The following DCLK1 variants were observed in gnomAD, a reference collection of about 807,000 sequenced individuals.
DCLK1 encodes the protein serine/threonine-protein kinase DCLK1.
Under a neutral mutation model 86.2 loss-of-function variants are expected in DCLK1, and 16 were observed. The observed-to-expected ratio is 0.19, with a 90% confidence interval of 0.13 to 0.28. The LOEUF is 0.28. DCLK1 is among the 10% of genes least tolerant of loss of function. DCLK1 has a pLI of 1.00. For missense variants in DCLK1, 590 were observed against 940.2 expected (o/e 0.63, Z 4.87); for synonymous variants, 369 against 370.5 (o/e 1.00, Z 0.05).
intron 3 of DCLK1, among the ~76,000 whole-genome samples, chr13:36,081,816 G>A (rs182106225): frequency 7.2e-5 from 11 of 152,252 alleles, no homozygotes; most frequent in African/African-American, 2.4e-4. Flanking sequence ...CAGAGCGACC[G>A]ATTTACACAG....
chr13:35,899,270 GATA>G (rs527862295), intron 4 of DCLK1, among the ~76,000 whole-genome samples: 96 of 151,618 alleles, frequency 6.3e-4, no homozygotes, highest in Admixed American at 4.3e-3. Flanking sequence ...CAAGCCCCAG[GATA>G]ATAATATGAG....
intron 4 of DCLK1, 82 bp from the exon 5 acceptor site, chr13:35,871,422 G>T (rs1593684198): frequency 8.6e-7 from 1 of 1,157,618 alleles, no homozygotes; most frequent in Non-Finnish European, 1.3e-6. Flanking sequence ...AAACCTGGAA[G>T]TAGAAATATA....
chr13:36,028,004 G>A (rs1301265557), intron 3 of DCLK1, among the ~76,000 whole-genome samples: 1 of 152,150 alleles, frequency 6.6e-6, no homozygotes, highest in Non-Finnish European at 1.5e-5. Flanking sequence ...TGCTGTGATT[G>A]CAGGAGTGAG....
chr13:35,936,706 T>G (rs574986476), intron 4 of DCLK1, among the ~76,000 whole-genome samples: 32 of 152,302 alleles, frequency 2.1e-4, no homozygotes, highest in African/African-American at 6.0e-4. Context: ...TTGGCTGTAC[T>G]GGATGGCCTG....
At chr13:35,774,798 G>T in intron 16 of DCLK1, 99 bp from the exon 17 acceptor site, 1 of 1,342,106 alleles carries the variant, frequency 7.5e-7, no homozygotes, top group Non-Finnish European at 1.0e-6. Context: ...AAATACACTG[G>T]CCAAGTTCAC....
chr13:35,785,210 C>A (rs2086599073), intron 16 of DCLK1, among the ~76,000 whole-genome samples: 1 of 152,150 alleles, frequency 6.6e-6, no homozygotes, highest in Non-Finnish European at 1.5e-5. Flanking sequence ...GCTGAAGGTG[C>A]AGGATTCTTC....
At chr13:35,850,086 G>A (rs1361312364) in intron 6 of DCLK1, 1 of 984,094 alleles carries the variant, frequency 1.0e-6, no homozygotes, top group African/African-American at 1.7e-5. Flanking sequence ...TAACTTCAGA[G>A]TCTTTATGAG....
intron 8 of DCLK1, among the ~76,000 whole-genome samples, chr13:35,832,068 G>A (rs960336446): frequency 6.6e-6 from 1 of 152,118 alleles, no homozygotes; most frequent in Admixed American, 6.5e-5. Context: ...CGAGGCAGGA[G>A]GATCACTTGA....
At chr13:36,021,228 C>A in intron 3 of DCLK1, among the ~76,000 whole-genome samples, 3 of 96,528 alleles carry the variant, frequency 3.1e-5, no homozygotes, top group African/African-American at 3.9e-5. Context: ...CTCGGGATAG[C>A]CACTATAAAA....
At chr13:35,992,757 T>G (rs1055924719) in intron 3 of DCLK1, among the ~76,000 whole-genome samples, 3 of 152,212 alleles carry the variant, frequency 2.0e-5, no homozygotes, top group Non-Finnish European at 4.4e-5. Flanking sequence ...TCTTGGAAAA[T>G]GTCCTAGGTT....
chr13:35,774,711 A>G lies in DCLK1; in HGVS notation c.2059-12T>C. ...TCAAGAGCGGTGGTCTAGCAGGGGCATAAAATGAGAAAGAGGACAATTAGG... is the reference window on the plus strand; with the variant it reads ...TCAAGAGCGGTGGTCTAGCAGGGGCGTAAAATGAGAAAGAGGACAATTAGG... On this transcript the variant is annotated splice_polypyrimidine_tract_variant and intron_variant, in intron 16 of 16. Coordinates refer to ENST00000360631, the MANE Select transcript of DCLK1 (RefSeq NM_001330071.2). 1 of 1,609,150 alleles carries G rather than the reference A, an allele frequency of 6.2e-7. No homozygotes were observed. Among genetic ancestry groups the G allele is most frequent in the Non-Finnish European group, 8.5e-7 (1 of 1,177,350 alleles).
chr13:36,008,918 A>G (rs1312403544), intron 3 of DCLK1, among the ~76,000 whole-genome samples: 1 of 131,672 alleles, frequency 7.6e-6, no homozygotes, highest in African/African-American at 3.0e-5. Context: ...TTGCCATTCT[A>G]ACTGGTGTGA....
chr13:35,913,605 T>C (rs1483865908), intron 4 of DCLK1, among the ~76,000 whole-genome samples: 1 of 152,222 alleles, frequency 6.6e-6, no homozygotes, highest in Non-Finnish European at 1.5e-5. Context: ...AGTTTTAATT[T>C]TCCCACTAAA....
chr13:35,931,931 A>C (rs201770916), intron 4 of DCLK1, among the ~76,000 whole-genome samples: 1 of 152,198 alleles, frequency 6.6e-6, no homozygotes, highest in Non-Finnish European at 1.5e-5. Flanking sequence ...AGTGTCCAGG[A>C]TCCTCAGTTT....
intron 4 of DCLK1, among the ~76,000 whole-genome samples, chr13:35,908,454 G>A (rs1460439265): frequency 1.3e-5 from 2 of 152,214 alleles, no homozygotes; most frequent in East Asian, 3.8e-4. Context: ...GGCTCCTCCA[G>A]CCTTTCTTGT....
At chr13:35,852,067 T>C (rs2153110158) in intron 6 of DCLK1, among the ~76,000 whole-genome samples, 1 of 152,206 alleles carries the variant, frequency 6.6e-6, no homozygotes, top group South Asian at 2.1e-4. Context: ...GCCATGTTGC[T>C]AGGCAACACA....
At chr13:35,958,221 ACC>A in intron 3 of DCLK1, among the ~76,000 whole-genome samples, 1 of 147,168 alleles carries the variant, frequency 6.8e-6, no homozygotes, top group African/African-American at 2.6e-5. Context: ...CATCACCACC[ACC>A]ACTATAACCA....
At chr13:36,055,779 A>G (rs1274593608) in intron 3 of DCLK1, among the ~76,000 whole-genome samples, 1 of 151,874 alleles carries the variant, frequency 6.6e-6, no homozygotes, top group African/African-American at 2.4e-5. Context: ...TTTTATTTCT[A>G]TTTTTAAGCA....
chr13:36,073,090 G>T (rs572378751), intron 3 of DCLK1, among the ~76,000 whole-genome samples: 1 of 152,170 alleles, frequency 6.6e-6, no homozygotes, highest in South Asian at 2.1e-4. Flanking sequence ...GCTCTACTGA[G>T]GTATAACTTA....
Sources: gnomAD v4.1 joint callset for allele counts (sites outside exome capture counted in the v4.1 genomes callset) on GRCh38, gnomAD v4.1.1 for gene constraint, MANE v1.5 for transcripts, NCBI Gene and HGNC (gene_info 2026-07-23, HGNC 2026-07-21) for gene names.